NSUN6: variants seen among roughly 807,000 people sequenced by gnomAD.
NSUN6 encodes the protein NOP2/Sun RNA methyltransferase 6, also known as tRNA (cytosine(72)-C(5))-methyltransferase NSUN6.
Under a neutral mutation model 58.0 loss-of-function variants are expected in NSUN6, and 64 were observed. The ratio of observed to expected loss-of-function variants is 1.10; its 90% CI spans 0.90 to 1.36. The LOEUF (loss-of-function observed/expected upper bound fraction) is 1.36. Among genes scored for constraint, NSUN6 ranks in the 40% most tolerant of loss-of-function variants. The pLI is 0.00. For missense variants in NSUN6, 701 were observed against 550.1 expected (o/e 1.27, Z -2.74); for synonymous variants, 231 against 193.9 (o/e 1.19, Z -1.59).
At chr10:18,569,120 AC>A (rs1475810600) in intron 8 of NSUN6, among the ~76,000 whole-genome samples, 1 of 139,488 alleles carries the variant, frequency 7.2e-6, no homozygotes, top group Non-Finnish European at 1.6e-5. Flanking sequence ...TCCATCCGTT[AC>A]ATTCTCCATT....
At chr10:18,652,178 G>A, upstream of NSUN6, 4 of 985,188 alleles carry the variant, frequency 4.1e-6, no homozygotes. Flanking sequence ...TTGTATCATA[G>A]TTGACATATT....
At chr10:18,578,818 C>CTTT (rs1169414189) in intron 8 of NSUN6, among the ~76,000 whole-genome samples, 2 of 152,160 alleles carry the variant, frequency 1.3e-5, no homozygotes, top group Admixed American at 1.3e-4. Flanking sequence ...TATCAATGAT[C>CTTT]TTGTACCATG....
intron 3 of NSUN6, among the ~76,000 whole-genome samples, chr10:18,629,255 C>T (rs950229254): frequency 2.6e-5 from 4 of 152,140 alleles, no homozygotes; most frequent in African/African-American, 9.7e-5. Context: ...CTGAAGGAAG[C>T]ACTAAACATG....
chr10:18,644,350 G>A lies in NSUN6; in HGVS notation c.232-1795C>T, dbSNP rs141770436. On this transcript the variant is annotated intron_variant, in intron 2 of 10. Coordinates refer to ENST00000377304, the MANE Select transcript of NSUN6 (RefSeq NM_182543.5). ...GAAAATTCCATACTTGACCCAGACTGGTCAAAGTCAAAATGCAGGCTCACA... is the reference window on the plus strand; with the variant it reads ...GAAAATTCCATACTTGACCCAGACTAGTCAAAGTCAAAATGCAGGCTCACA... Among the ~76,000 whole-genome samples, 370 of 152,218 alleles carry A rather than the reference G, an allele frequency of 2.4e-3. 2 individuals carry two copies. Among genetic ancestry groups the A allele is most frequent in the African/African-American group, 8.1e-3 (338 of 41,520 alleles).
In NSUN6 at chr10:18,600,978, G is replaced by A. The variant is rs61840845; in HGVS notation, c.658-4651C>T. Among the ~76,000 whole-genome samples, 343 of 76,540 alleles carry A rather than the reference G, an allele frequency of 4.5e-3. 3 individuals carry two copies. Among genetic ancestry groups the A allele is most frequent in the East Asian group, 0.017 (29 of 1,714 alleles). The allele number at this position is 76,540 out of a possible 152,430, so 50.2% of individuals were successfully genotyped here. A position where few individuals can be genotyped will look rare whatever the true frequency, so the allele number is the denominator to read the frequency against. The stretch of plus-strand genomic sequence containing the variant: ...TATATATACATATATATATATATAT[G>A]TATATATATATATATTATATACTAG... On this transcript the variant is annotated intron_variant, in intron 6 of 10. Transcript: ENST00000377304.
At chr10:18,552,691 C>G (rs2054683046) in intron 8 of NSUN6, among the ~76,000 whole-genome samples, 1 of 149,070 alleles carries the variant, frequency 6.7e-6, no homozygotes, top group Non-Finnish European at 1.5e-5. Flanking sequence ...CATTCCATTC[C>G]CCATTCCATT....
rs138796783 is a variant in NSUN6 at position 18,599,837 on chromosome 10, T to C, written c.658-3510A>G. Among the ~76,000 whole-genome samples, 575 of 152,338 alleles carry C rather than the reference T, an allele frequency of 3.8e-3. 4 individuals carry two copies. The highest frequency in any genetic ancestry group is 0.013 in the African/African-American group (522 of 41,568). Reference sequence around the variant, plus strand: ...TTCCAGTGAACCAAGAATATAACTTTGAAAACAGTTGCTGTATTTAACTGT... The same window carrying C: ...TTCCAGTGAACCAAGAATATAACTTCGAAAACAGTTGCTGTATTTAACTGT... On this transcript the variant is annotated intron_variant, in intron 6 of 10. Coordinates refer to ENST00000377304, the MANE Select transcript of NSUN6 (RefSeq NM_182543.5).
At chr10:18,616,637 G>T (rs1458707292) in intron 3 of NSUN6, among the ~76,000 whole-genome samples, 1 of 152,062 alleles carries the variant, frequency 6.6e-6, no homozygotes, top group Non-Finnish European at 1.5e-5. Context: ...AAATACACAA[G>T]GAATTACAAA....
At chr10:18,605,530 G>T (rs2058018370) in intron 6 of NSUN6, among the ~76,000 whole-genome samples, 1 of 152,146 alleles carries the variant, frequency 6.6e-6, no homozygotes, top group African/African-American at 2.4e-5. Context: ...TTAGGAGCAG[G>T]ATTTGAATGA....
intron 7 of NSUN6, among the ~76,000 whole-genome samples, chr10:18,594,540 C>T (rs1292658261): frequency 6.6e-6 from 1 of 151,982 alleles, no homozygotes; most frequent in African/African-American, 2.4e-5. Context: ...TCTCTGCCTC[C>T]CAGGTCCAAG....
intron 8 of NSUN6, among the ~76,000 whole-genome samples, chr10:18,580,726 C>A (rs2056868281): frequency 6.6e-6 from 1 of 152,202 alleles, no homozygotes. Flanking sequence ...GCCCCCATCT[C>A]TGCAGCAGTG....
chr10:18,634,501 C>T (rs2059144902), intron 3 of NSUN6, among the ~76,000 whole-genome samples: 1 of 152,022 alleles, frequency 6.6e-6, no homozygotes, highest in Admixed American at 6.6e-5. Context: ...CCTATAATCC[C>T]TGCACTTTGG....
At chr10:18,645,493 G>A (rs1466048313) in intron 2 of NSUN6, among the ~76,000 whole-genome samples, 1 of 152,096 alleles carries the variant, frequency 6.6e-6, no homozygotes, top group Admixed American at 6.6e-5. Flanking sequence ...ACAATACGTA[G>A]CATCCGTGTC....
At chr10:18,582,295 C>T (rs1005336233) in intron 8 of NSUN6, among the ~76,000 whole-genome samples, 9 of 152,136 alleles carry the variant, frequency 5.9e-5, no homozygotes, top group Non-Finnish European at 8.8e-5. Flanking sequence ...CTGACATTCC[C>T]GGTTGTGGAG....
At chr10:18,651,094 T>A (rs924906132) in intron 1 of NSUN6, 35 bp downstream of exon 1, 1 of 1,571,318 alleles carries the variant, frequency 6.4e-7, no homozygotes, top group African/African-American at 1.4e-5. Flanking sequence ...TTTGAGTTTT[T>A]GCAAAATATC....
chr10:18,614,030 G>A (rs1278185032), intron 5 of NSUN6, among the ~76,000 whole-genome samples: 1 of 152,092 alleles, frequency 6.6e-6, no homozygotes, highest in Non-Finnish European at 1.5e-5. Flanking sequence ...AAATATTCAT[G>A]TGAGTGCTAG....
intron 6 of NSUN6, among the ~76,000 whole-genome samples, chr10:18,597,792 A>G (rs1307131093): frequency 6.6e-6 from 1 of 152,054 alleles, no homozygotes; most frequent in Non-Finnish European, 1.5e-5. Context: ...ATAAATACAT[A>G]CAAACATACA....
At chr10:18,563,919 T>TTCCATTCCACGTCATTCTTCAC (rs2055733887) in intron 8 of NSUN6, among the ~76,000 whole-genome samples, 2 of 150,850 alleles carry the variant, frequency 1.3e-5, no homozygotes, top group African/African-American at 4.9e-5. Context: ...ACATTCTCCA[T>TTCCATTCCACGTCATTCTTCAC]TCCATTCCAC....
chr10:18,559,124 G>A (rs960623659), intron 8 of NSUN6, among the ~76,000 whole-genome samples: 24 of 149,900 alleles, frequency 1.6e-4, no homozygotes, highest in African/African-American at 4.2e-4. Flanking sequence ...TGAATGGAAC[G>A]AAGAGTGGAA....
Sources: allele counts gnomAD v4.1 joint callset (sites outside exome capture counted in the v4.1 genomes callset), GRCh38; gene constraint gnomAD v4.1.1; transcripts MANE v1.5; gene names NCBI Gene and HGNC (gene_info 2026-07-23, HGNC 2026-07-21).